The following SH3BGR variants were observed in gnomAD, a reference collection of about 807,000 sequenced individuals.
SH3BGR encodes SH3 domain binding glutamate rich protein.
SH3BGR carries 29 observed loss-of-function variants against 24.5 expected under a neutral mutation model. The observed-to-expected ratio is 1.18, with a 90% CI of 0.88 to 1.61. The LOEUF (loss-of-function observed/expected upper bound fraction) is 1.61. Among genes scored for constraint, SH3BGR ranks in the 40% most tolerant of loss-of-function variants. The pLI, the probability that SH3BGR is intolerant of heterozygous loss-of-function variation, is 0.00. For missense variants in SH3BGR, 162 were observed against 205.8 expected (o/e 0.79, Z 1.30); for synonymous variants, 55 against 65.7 (o/e 0.84, Z 0.79).
At position 39,511,702 on chromosome 21, in the gene SH3BGR, G is replaced by A. The variant is rs2078698614; in HGVS notation, c.458G>A (p.Gly153Asp). Residue 153 changes from glycine (G) to aspartate (D), a missense_variant, in exon 6 of 7, where the codon GGT becomes GAT. Transcript: ENST00000333634. This position sits in a 1 kb window ranked among gnomAD's most constrained non-coding sequence, Gnocchi z 4.2. ...TEETEEIAME[G>D]AEGEAEEEEE... ...AAGACGGAAGAAATAGCCATGGAGG[G>A]TGCGGAAGGGGAAGCCGAGGAGGAG... The A allele has an allele frequency of 6.2e-7, 1 of 1,610,764 alleles. No individual in the cohort carries two copies. The highest frequency in any genetic ancestry group is 1.3e-5 in the African/African-American group (1 of 74,298).
At position 39,458,759 on chromosome 21, in the gene SH3BGR, G is replaced by A. The variant is rs556422105; in HGVS notation, c.46-3616G>A. On this transcript the variant is annotated intron_variant, in intron 1 of 6. Transcript: ENST00000333634. ...CCTCCGGGGTTCAAGTGATCCTCCCGCCTCAGCTTCCCAAGTAGCTGGGAT... is the reference window on the plus strand; with the variant it reads ...CCTCCGGGGTTCAAGTGATCCTCCCACCTCAGCTTCCCAAGTAGCTGGGAT... 1.4e-4 allele frequency among the ~76,000 whole-genome samples: 21 copies of A among 150,328 alleles called. No individual in the cohort carries two copies. The South Asian group carries it at 2.9e-3, about 21-fold the overall frequency.
chr21:39,500,063 T>G, intron 4 of SH3BGR, 148 bp downstream of exon 4: 3 of 627,924 alleles, frequency 4.8e-6, no homozygotes, highest in Admixed American at 2.7e-5. Context: ...AAGTAATTTC[T>G]ACTGATGTGT....
rs187921272 is a variant in SH3BGR at position 39,460,492 on chromosome 21, T to A, written c.46-1883T>A. Reference sequence around the variant, plus strand: ...ATTTTTTAAAAATTAAACTAAAAAATTTTTTTTGAGACAGAGTCTCACTCT... The same window carrying A: ...ATTTTTTAAAAATTAAACTAAAAAAATTTTTTTGAGACAGAGTCTCACTCT... On this transcript the variant is annotated intron_variant, in intron 1 of 6. Coordinates refer to ENST00000333634, the MANE Select transcript of SH3BGR (RefSeq NM_007341.3). Among the ~76,000 whole-genome samples, 540 of 152,186 alleles carry A rather than the reference T, an allele frequency of 3.5e-3. 4 individuals are homozygous for A. Among genetic ancestry groups the A allele is most frequent in the African/African-American group, 0.012 (513 of 41,526 alleles).
At chr21:39,514,047 T>G (rs1246147013) in intron 6 of SH3BGR, among the ~76,000 whole-genome samples, 2 of 152,166 alleles carry the variant, frequency 1.3e-5, no homozygotes, top group African/African-American at 4.8e-5. Flanking sequence ...GGGTTCTAGT[T>G]TGGAATCCAG....
rs928882347 is a variant in SH3BGR at position 39,511,369 on chromosome 21, G to A, written c.436-311G>A. Among the ~76,000 whole-genome samples, 1 of 150,158 alleles carries A rather than the reference G, an allele frequency of 6.7e-6. No homozygotes were observed. Among genetic ancestry groups the A allele is most frequent in the African/African-American group, 2.5e-5 (1 of 40,798 alleles). ...GTGCTATGTGGTGTTTGGTATTTGT[G>A]TGTGGTGTGTATGTGGTGTGTGTGC... On this transcript the variant is annotated intron_variant, in intron 5 of 6. Transcript: ENST00000333634. The surrounding 1 kb of genome is among the most constrained non-coding windows in gnomAD (Gnocchi z 4.2).
chr21:39,512,811 A>AAAAAC (rs547095153), intron 6 of SH3BGR, among the ~76,000 whole-genome samples: 2 of 152,080 alleles, frequency 1.3e-5, no homozygotes, highest in East Asian at 1.9e-4. Context: ...AACAAAAACA[A>AAAAAC]AAAACAAAAC....
At chr21:39,466,825 A>G (rs1270839024) in intron 2 of SH3BGR, among the ~76,000 whole-genome samples, 1 of 152,248 alleles carries the variant, frequency 6.6e-6, no homozygotes, top group Non-Finnish European at 1.5e-5. Flanking sequence ...GTGGGGACAC[A>G]GCCAAACCAT....
intron 1 of SH3BGR, among the ~76,000 whole-genome samples, chr21:39,456,282 G>C (rs558482238): frequency 1.3e-5 from 2 of 152,254 alleles, no homozygotes; most frequent in African/African-American, 4.8e-5. Context: ...GAATAAAGGA[G>C]TTGCCTTCTG....
At chr21:39,464,349 A>G (rs2077805919) in intron 2 of SH3BGR, among the ~76,000 whole-genome samples, 1 of 151,978 alleles carries the variant, frequency 6.6e-6, no homozygotes, top group Non-Finnish European at 1.5e-5. Context: ...CAGCCTCTTG[A>G]GTAGCTGAGA....
intron 2 of SH3BGR, among the ~76,000 whole-genome samples, chr21:39,466,389 T>G (rs926645927): frequency 2.0e-5 from 3 of 152,220 alleles, no homozygotes; most frequent in African/African-American, 7.2e-5. Flanking sequence ...TTCTTTGCTG[T>G]TTTCCAATTG....
chr21:39,459,010 T>C (rs2077710817), intron 1 of SH3BGR, among the ~76,000 whole-genome samples: 1 of 151,956 alleles, frequency 6.6e-6, no homozygotes, highest in African/African-American at 2.4e-5. Context: ...GTGTATTCTA[T>C]ATCCATATTG....
chr21:39,477,007 C>T (rs1188325745), intron 3 of SH3BGR, among the ~76,000 whole-genome samples: 2 of 151,956 alleles, frequency 1.3e-5, no homozygotes, highest in African/African-American at 4.8e-5. Flanking sequence ...GGAATCATGT[C>T]TTCCTTATTT....
Position 39,475,199 on chromosome 21 carries a change from CT to C in SH3BGR, c.297del (p.Pro100LeufsTer50). On this transcript the variant is annotated frameshift_variant, in exon 3 of 7. Coordinates refer to ENST00000333634, the MANE Select transcript of SH3BGR (RefSeq NM_007341.3). LOFTEE classifies it high-confidence loss of function. ...NIIYSFLGLA[P>X]PPDSKGSEKA... is the part of the protein sequence containing the mutation. Reference sequence around the variant, plus strand: ...ATTTATTCCTTCCTTGGTTTGGCTCCTCCTCCAGACTCAAAGGTAAGTTTGA... The same window carrying C: ...ATTTATTCCTTCCTTGGTTTGGCTCCCCTCCAGACTCAAAGGTAAGTTTGA... 1 of 1,607,406 alleles carries C rather than the reference CT, an allele frequency of 6.2e-7. No homozygotes were observed. The highest frequency in any genetic ancestry group is 8.5e-7 in the Non-Finnish European group (1 of 1,174,078).
At chr21:39,475,067 C>A in intron 2 of SH3BGR, 68 bp from the exon 3 acceptor site, 2 of 951,872 alleles carry the variant, frequency 2.1e-6, no homozygotes, top group Non-Finnish European at 3.2e-6. Context: ...TACAAAAGAT[C>A]AGTTTCCGTA....
At chr21:39,505,163 C>G (rs1034568033) in intron 4 of SH3BGR, among the ~76,000 whole-genome samples, 14 of 152,176 alleles carry the variant, frequency 9.2e-5, no homozygotes, top group African/African-American at 3.4e-4. Flanking sequence ...GGATTTGAAG[C>G]TGAGCTGGAG....
chr21:39,490,467 A>C (rs182753898), intron 3 of SH3BGR, among the ~76,000 whole-genome samples: 48 of 152,298 alleles, frequency 3.2e-4, no homozygotes, highest in African/African-American at 1.0e-3. Flanking sequence ...TCCTCCCTTT[A>C]ATCCTGTCAA....
In SH3BGR at chr21:39,511,349, A is replaced by G. The variant is rs1349543786; in HGVS notation, c.436-331A>G. On this transcript the variant is annotated intron_variant, in intron 5 of 6. Coordinates refer to ENST00000333634, the MANE Select transcript of SH3BGR (RefSeq NM_007341.3). The surrounding 1 kb of genome is among the most constrained non-coding windows in gnomAD (Gnocchi z 4.2). ...GTGTGGTCTGGTGTGTGTGTGTGCT[A>G]TGTGGTGTTTGGTATTTGTGTGTGG... is the stretch of plus-strand genomic sequence containing the variant. Among the ~76,000 whole-genome samples the G allele has an allele frequency of 7.6e-6, 1 of 131,816 alleles. No individual in the cohort carries two copies. The highest frequency in any genetic ancestry group is 2.9e-5 in the African/African-American group (1 of 34,392). 86.5% of individuals were successfully genotyped at this position (131,816 alleles called of 152,430 possible). A position where few individuals can be genotyped will look rare whatever the true frequency, so the allele number is the denominator to read the frequency against.
intron 2 of SH3BGR, among the ~76,000 whole-genome samples, chr21:39,470,418 C>T (rs774598453): frequency 2.0e-5 from 3 of 152,016 alleles, no homozygotes; most frequent in Admixed American, 6.6e-5. Context: ...ACCACCATGC[C>T]CTGCTAATTT....
At chr21:39,476,248 T>C (rs1735137) in intron 3 of SH3BGR, among the ~76,000 whole-genome samples, 135,726 of 152,122 alleles carry the variant, frequency 0.89, 60,564 homozygotes, top group Middle Eastern at 0.9. Flanking sequence ...AGGAGGAGCT[T>C]GGCTCTTTAC....
Sources: allele counts gnomAD v4.1 joint callset (sites outside exome capture counted in the v4.1 genomes callset), GRCh38; gene constraint gnomAD v4.1.1; non-coding constraint Gnocchi (gnomAD v3.1); transcripts MANE v1.5; gene names NCBI Gene and HGNC (gene_info 2026-07-23, HGNC 2026-07-21).